CD101: variants seen among roughly 807,000 people sequenced by gnomAD.
CD101 encodes the protein CD101 molecule, also known as immunoglobulin superfamily member 2.
In CD101, 76 loss-of-function variants were observed where a neutral mutation model predicts 98.2. That is an observed-to-expected ratio of 0.77 (90% confidence interval 0.64 to 0.94). CD101 has a LOEUF of 0.94. CD101 is among the 40% of genes least tolerant of loss of function. The pLI is 0.00. For synonymous variants in CD101, 471 were observed against 472.7 expected, an observed-to-expected ratio of 1.00 and a Z score of 0.05; for missense variants, 1,145 against 1,218.8, an observed-to-expected ratio of 0.94 and a Z score of 0.90.
intron 8 of CD101, 156 bp downstream of exon 8, chr1:117,026,060 C>G: frequency 1.4e-6 from 1 of 720,822 alleles, no homozygotes. Flanking sequence ...TTTGCTGTCT[C>G]TCTCAATAGT....
rs1490099179 is a variant in CD101, at chr1:117,005,150, TA to T, written c.43+3291del. On this transcript the variant is annotated intron_variant, in intron 1 of 9. Transcript: ENST00000682167. The surrounding 1 kb of genome is among the most constrained non-coding windows in gnomAD (Gnocchi z 4.4). ...AAATTAGGTTTCTGCGTGTGAGTTT[TA>T]GGAAGACACAGACGTTGAGACTATA... Among the ~76,000 whole-genome samples the T allele has an allele frequency of 6.6e-6, 1 of 152,142 alleles. No individual in the cohort carries two copies. The highest frequency in any genetic ancestry group is 1.9e-4 in the East Asian group (1 of 5,188).
chr1:117,003,144 AAAAC>A lies in CD101; in HGVS notation c.43+1300_43+1303del, dbSNP rs145181233. Among the ~76,000 whole-genome samples the A allele has an allele frequency of 1.0e-3, 152 of 152,300 alleles. No homozygotes were observed. The East Asian group carries it at 0.024, about 25-fold the overall frequency. On this transcript the variant is annotated intron_variant, in intron 1 of 9. Coordinates refer to ENST00000682167, the MANE Select transcript of CD101 (RefSeq NM_001256106.3). Reference sequence around the variant, plus strand: ...GTGACAGAGTGAGATTCCATCTAAAAAAACAAACAAACAAACAAAACTCTTGCTT... The same window carrying A: ...GTGACAGAGTGAGATTCCATCTAAAAAAACAAACAAACAAAACTCTTGCTT...
Position 117,017,439 on chromosome 1 carries a change from G to A in CD101, c.1578G>A (p.Trp526Ter), listed in dbSNP as rs752152900. ...KSRNQARDLS[W>*]TQKISVTVKS... is the part of the protein sequence containing the mutation. ...GGAACCAGGCCAGAGATCTGAGCTG[G>A]ACTCAGAAGATTTCAGTTACTGTAA... is the stretch of plus-strand genomic sequence containing the variant. Residue 526 changes from tryptophan (W) to a stop codon, truncating the protein, a stop_gained, in exon 5 of 10, where the codon TGG (tryptophan) becomes TGA (stop). Transcript: ENST00000682167. LOFTEE classifies it high-confidence loss of function. The A allele has an allele frequency of 6.2e-6, 10 of 1,612,932 alleles. No individual in the cohort carries two copies. The highest frequency in any genetic ancestry group is 7.6e-6 in the Non-Finnish European group (9 of 1,179,008).
intron 4 of CD101, among the ~76,000 whole-genome samples, chr1:117,014,679 A>AT (rs968961590): frequency 6.6e-6 from 1 of 152,154 alleles, no homozygotes; most frequent in Non-Finnish European, 1.5e-5. Context: ...CCCAAAAAAA[A>AT]TTTTTTTTAA....
At chr1:117,035,405 G>C (rs1432417355) in intron 9 of CD101, among the ~76,000 whole-genome samples, 2 of 152,076 alleles carry the variant, frequency 1.3e-5, no homozygotes, top group Non-Finnish European at 2.9e-5. Flanking sequence ...CTCCTACTAT[G>C]GACCTACCAG....
Position 117,018,510 on chromosome 1 carries a change from C to A in CD101, c.1967C>A (p.Pro656Gln), listed in dbSNP as rs751714684. Residue 656 changes from proline to glutamine, a missense_variant, in exon 6 of 10, where the codon CCG becomes CAG. Transcript: ENST00000682167. This position sits in a 1 kb window ranked among gnomAD's most constrained non-coding sequence, Gnocchi z 4.3. The part of the protein sequence containing the change: ...DRNSLYNNRP[P>Q]RASAISHPLR... ...AATTCCCTATACAACAACCGCCCCC[C>A]GAGGGCTTCTGCCATCTCTCACCCA... 9.5e-5 allele frequency: 153 copies of A among 1,612,328 alleles called. No individual in the cohort carries two copies. Among genetic ancestry groups the A allele is most frequent in the Admixed American group, 3.5e-4 (21 of 59,980 alleles).
At chr1:117,017,053 A>G in intron 4 of CD101, 37 bp from the exon 5 acceptor site, 1 of 1,575,642 alleles carries the variant, frequency 6.3e-7, no homozygotes, top group East Asian at 2.2e-5. Context: ...TTATTTACCT[A>G]AAACAGTTTT....
At chr1:117,015,675 C>T (rs1005726845) in intron 4 of CD101, among the ~76,000 whole-genome samples, 14 of 152,208 alleles carry the variant, frequency 9.2e-5, no homozygotes, top group African/African-American at 2.7e-4. Context: ...CTTTGAATTA[C>T]CTCTGCTTTT....
Position 117,021,836 on chromosome 1 carries a change from T to C in CD101, c.2281T>C (p.Phe761Leu). 1.9e-6 allele frequency: 3 copies of C among 1,614,220 alleles called. No homozygotes were observed. In the South Asian group the frequency reaches 3.3e-5, roughly 18 times the overall value. The change falls in exon 7 of 10, where the codon TTT (phenylalanine) becomes CTT (leucine). Residue 761 changes from phenylalanine (F) to leucine (L), a missense_variant. Phe to Leu is a conservative substitution (Grantham distance 22). Coordinates refer to ENST00000682167, the MANE Select transcript of CD101 (RefSeq NM_001256106.3). This position sits in a 1 kb window ranked among gnomAD's most constrained non-coding sequence, Gnocchi z 4.7. ...TACTGAGAAGGTTTCCCAAGACTTA[T>C]TTCAGCTGCACATTCTGAATGTGGA... ...FHTEKVSQDL[F>L]QLHILNVEDS...
intron 1 of CD101, among the ~76,000 whole-genome samples, chr1:117,002,886 A>T (rs1027222492): frequency 6.6e-6 from 1 of 152,194 alleles, no homozygotes; most frequent in Non-Finnish European, 1.5e-5. Context: ...GAAAATACTA[A>T]ATTTCCATTA....
Position 117,010,722 on chromosome 1 carries a change from A to ACC in CD101, c.424+496_424+497dup. On this transcript the variant is annotated intron_variant, in intron 2 of 9. Transcript: ENST00000682167. This position sits in a 1 kb window ranked among gnomAD's most constrained non-coding sequence, Gnocchi z 5.2. ...TGTCCCTTTGTCTGGAATATCTATC[A>ACC]CCCCCTTTTCAGCTTAACAAACTCC... is the stretch of plus-strand genomic sequence containing the variant. 6.6e-6 allele frequency among the ~76,000 whole-genome samples: 1 copy of ACC among 152,176 alleles called. No individual in the cohort carries two copies. The highest frequency in any genetic ancestry group is 1.9e-4 in the East Asian group (1 of 5,178).
In CD101 at chr1:117,018,447, C is replaced by T. The variant is rs755902934; in HGVS notation, c.1904C>T (p.Thr635Ile). The change falls in exon 6 of 10, where the codon ACA (threonine) becomes ATA (isoleucine). Residue 635 changes from threonine (T) to isoleucine (I), a missense_variant. Physicochemically the swap from Thr to Ile is moderately conservative, Grantham distance 89. Transcript: ENST00000682167. The surrounding 1 kb of genome is among the most constrained non-coding windows in gnomAD (Gnocchi z 4.3). ...LLVHDATEEETGVYQCEVEVY... is the reference protein window; with the variant it reads ...LLVHDATEEEIGVYQCEVEVY... ...GTCCATGATGCCACTGAGGAAGAGA[C>T]AGGAGTGTATCAGTGTGAAGTAGAA... 1.1e-5 allele frequency: 17 copies of T among 1,614,194 alleles called. No homozygotes were observed. The Admixed American group carries it at 2.8e-4, about 27-fold the overall frequency.
chr1:117,027,044 A>T (rs568304037), intron 8 of CD101, among the ~76,000 whole-genome samples: 8 of 152,352 alleles, frequency 5.3e-5, no homozygotes, highest in Admixed American at 1.3e-4. Flanking sequence ...CAGCTATGAA[A>T]TCATACGCTG....
chr1:117,029,977 G>A (rs1654342384), intron 8 of CD101, among the ~76,000 whole-genome samples: 1 of 152,208 alleles, frequency 6.6e-6, no homozygotes, highest in African/African-American at 2.4e-5. Flanking sequence ...GACATTAAAT[G>A]TCTTATTCTA....
In CD101 at chr1:117,018,125, A is replaced by G. The variant is rs1380389704; in HGVS notation, c.1613-31A>G. 1 of 1,534,274 alleles carries G rather than the reference A, an allele frequency of 6.5e-7. No individual in the cohort carries two copies. Among genetic ancestry groups the G allele is most frequent in the Non-Finnish European group, 8.8e-7 (1 of 1,141,090 alleles). On this transcript the variant is annotated intron_variant, in intron 5 of 9. Coordinates refer to ENST00000682167, the MANE Select transcript of CD101 (RefSeq NM_001256106.3). This position sits in a 1 kb window ranked among gnomAD's most constrained non-coding sequence, Gnocchi z 4.3. The stretch of plus-strand genomic sequence containing the variant: ...TGCTATATTTTAATCTGGTAAATAT[A>G]TTAGAAATTCTGTTTCATTTTTCTG...
chr1:117,002,835 T>C (rs1652315583), intron 1 of CD101, among the ~76,000 whole-genome samples: 1 of 152,230 alleles, frequency 6.6e-6, no homozygotes, highest in Admixed American at 6.5e-5. Context: ...AGTTGTAATG[T>C]GATATGAAGA....
At position 117,018,008 on chromosome 1, in the gene CD101, G is replaced by A. The variant is rs1653342570; in HGVS notation, c.1613-148G>A. 1.3e-6 allele frequency: 1 copy of A among 784,348 alleles called. No homozygotes were observed. Among genetic ancestry groups the A allele is most frequent in the Non-Finnish European group, 2.0e-6 (1 of 510,842 alleles). 48.6% of individuals were successfully genotyped at this position (784,348 alleles called of 1,614,324 possible). ...GTCACAGTTCAGGACAGACTGTACT[G>A]GGAATCAATTTCTACTCTATAAAAT... is the stretch of plus-strand genomic sequence containing the variant. On this transcript the variant is annotated intron_variant, in intron 5 of 9. Transcript: ENST00000682167. This position sits in a 1 kb window ranked among gnomAD's most constrained non-coding sequence, Gnocchi z 4.3.
rs1193536723 is a variant in CD101, at chr1:117,022,016, G to T, written c.2428+33G>T. 5 of 1,563,242 alleles carry T rather than the reference G, an allele frequency of 3.2e-6. No homozygotes were observed. Among genetic ancestry groups the T allele is most frequent in the Non-Finnish European group, 4.3e-6 (5 of 1,157,848 alleles). Reference sequence around the variant, plus strand: ...TTGCGAGTGTATCCTCACAATGTCTGTCTGTCTGACGGCTGTTTTCTCTTG... The same window carrying T: ...TTGCGAGTGTATCCTCACAATGTCTTTCTGTCTGACGGCTGTTTTCTCTTG... On this transcript the variant is annotated intron_variant, in intron 7 of 9. Transcript: ENST00000682167. The surrounding 1 kb of genome is among the most constrained non-coding windows in gnomAD (Gnocchi z 4.8).
intron 8 of CD101, among the ~76,000 whole-genome samples, chr1:117,028,107 A>AAATAAAT (rs148309572): frequency 0.083 from 12,325 of 147,660 alleles, 663 homozygotes; most frequent in African/African-American, 0.16. Context: ...ATAAATAAAT[A>AAATAAAT]AAATAAAATA....
Sources: allele counts gnomAD v4.1 joint callset (sites outside exome capture counted in the v4.1 genomes callset), GRCh38; gene constraint gnomAD v4.1.1; non-coding constraint Gnocchi (gnomAD v3.1); transcripts MANE v1.5; gene names NCBI Gene and HGNC (gene_info 2026-07-23, HGNC 2026-07-21).